ANKRD33: variants seen among roughly 807,000 people sequenced by gnomAD.
ANKRD33 encodes ankyrin repeat domain 33.
In ANKRD33, 20 loss-of-function variants were observed where a neutral mutation model predicts 20.6. That is an observed-to-expected ratio of 0.97 (90% CI 0.68 to 1.41). The LOEUF (loss-of-function observed/expected upper bound fraction) is 1.41. Among genes scored for constraint, ANKRD33 ranks in the 40% most tolerant of loss-of-function variants. The pLI, the probability that ANKRD33 is intolerant of heterozygous loss-of-function variation, is 0.00. For missense variants in ANKRD33, 545 were observed against 579.6 expected (o/e 0.94, Z 0.61); for synonymous variants, 246 against 245.0 (o/e 1.00, Z -0.04).
In ANKRD33 at chr12:51,891,149, G is replaced by A. The variant is rs142845051; in HGVS notation, c.1203G>A (p.Lys401=). ...DSTSPRPQVP[K]ILLSKASSSS... is the part of the protein sequence containing the mutation. Reference sequence around the variant, plus strand: ...CCAGCCCCAGGCCCCAAGTCCCCAAGATCCTCCTCTCCAAGGCATCCTCAT... The same window carrying A: ...CCAGCCCCAGGCCCCAAGTCCCCAAAATCCTCCTCTCCAAGGCATCCTCAT... Residue 401 remains lysine (K), a synonymous_variant, in exon 5 of 5, where the codon AAG becomes AAA. Transcript: ENST00000301190. 1.9e-5 allele frequency: 31 copies of A among 1,614,196 alleles called. No homozygotes were observed. Among genetic ancestry groups the A allele is most frequent in the Non-Finnish European group, 2.6e-5 (31 of 1,180,034 alleles).
intron 2 of ANKRD33, 78 bp from the exon 3 acceptor site, chr12:51,888,989 G>C (rs1428764438): frequency 1.2e-6 from 2 of 1,601,404 alleles, no homozygotes; most frequent in Non-Finnish European, 8.5e-7. Context: ...CTCTGGGACA[G>C]ATATGGGTTT....
At position 51,891,150 on chromosome 12, in the gene ANKRD33, A is replaced by G. The variant is rs1940417100; in HGVS notation, c.1204A>G (p.Ile402Val). ...STSPRPQVPK[I>V]LLSKASSSSH... ...CAGCCCCAGGCCCCAAGTCCCCAAG[A>G]TCCTCCTCTCCAAGGCATCCTCATC... Residue 402 changes from isoleucine (I) to valine (V), a missense_variant, in exon 5 of 5, where the codon ATC becomes GTC. Ile to Val is a conservative substitution (Grantham distance 29). Coordinates refer to ENST00000301190, the MANE Select transcript of ANKRD33 (RefSeq NM_182608.4). 1 of 1,614,142 alleles carries G rather than the reference A, an allele frequency of 6.2e-7. No individual in the cohort carries two copies. The highest frequency in any genetic ancestry group is 8.5e-7 in the Non-Finnish European group (1 of 1,180,022).
rs190338164 is a variant in ANKRD33, at chr12:51,889,652, G to T, written c.637+170G>T. The T allele has an allele frequency of 3.7e-4, 472 of 1,272,810 alleles. 1 individual carries two copies. The highest frequency in any genetic ancestry group is 3.1e-4 in the Non-Finnish European group (290 of 949,552). 78.8% of individuals were successfully genotyped at this position (1,272,810 alleles called of 1,614,324 possible). A position where few individuals can be genotyped will look rare whatever the true frequency, so the allele number is the denominator to read the frequency against. The stretch of plus-strand genomic sequence containing the variant: ...TCAATCTAGTTCACCTTCCTGGAGG[G>T]GGGGGCACATGATTTGGGCTTCGTA... On this transcript the variant is annotated intron_variant, in intron 4 of 4. Transcript: ENST00000301190.
rs779171402 is a variant in ANKRD33, at chr12:51,890,649, G to A, written c.703G>A (p.Asp235Asn). ...KTALEWAVLT[D>N]SFDTVWRIRQ... ...GGCCCTGGAATGGGCAGTGCTGACC[G>A]ACAGCTTCGACACCGTGTGGAGGAT... is the stretch of plus-strand genomic sequence containing the variant. Residue 235 changes from aspartate to asparagine, a missense_variant, in exon 5 of 5, where the codon GAC (aspartate) becomes AAC (asparagine). Asp to Asn is a conservative substitution (Grantham distance 23, BLOSUM62 1). Transcript: ENST00000301190. The A allele has an allele frequency of 8.1e-6, 13 of 1,608,248 alleles. No individual in the cohort carries two copies. The highest frequency in any genetic ancestry group is 4.0e-5 in the African/African-American group (3 of 74,944).
chr12:51,889,276 G>A, intron 3 of ANKRD33, 80 bp downstream of exon 3: 1 of 1,610,166 alleles, frequency 6.2e-7, no homozygotes, highest in South Asian at 1.1e-5. Flanking sequence ...GTTGCACGGT[G>A]TTCTACACCA....
Position 51,890,872 on chromosome 12 carries a change from T to G in ANKRD33, c.926T>G (p.Val309Gly). Residue 309 changes from valine to glycine, a missense_variant, in exon 5 of 5, where the codon GTG becomes GGG. Transcript: ENST00000301190. ...PQEGGVLDHL[V>G]TATTSLASPF... ...GAGGGGGGTGTTCTGGACCACCTTG[T>G]GACTGCCACAACCAGCCTGGCCAGT... 2 of 1,613,302 alleles carry G rather than the reference T, an allele frequency of 1.2e-6. No homozygotes were observed.
At position 51,890,869 on chromosome 12, in the gene ANKRD33, T is replaced by C. The variant is rs1431794981; in HGVS notation, c.923T>C (p.Leu308Pro). The C allele has an allele frequency of 5.6e-6, 9 of 1,613,222 alleles. No homozygotes were observed. The highest frequency in any genetic ancestry group is 2.7e-5 in the African/African-American group (2 of 75,028). Reference protein sequence around the residue: ...SPQEGGVLDHLVTATTSLASP... With the variant: ...SPQEGGVLDHPVTATTSLASP... ...CAGGAGGGGGGTGTTCTGGACCACC[T>C]TGTGACTGCCACAACCAGCCTGGCC... Residue 308 changes from leucine (L) to proline (P), a missense_variant, in exon 5 of 5, where the codon CTT becomes CCT. Leu to Pro is a moderately conservative substitution (Grantham distance 98). Transcript: ENST00000301190.
At chr12:51,889,032 G>T in intron 2 of ANKRD33, 35 bp from the exon 3 acceptor site, 3 of 1,613,666 alleles carry the variant, frequency 1.9e-6, no homozygotes, top group Non-Finnish European at 2.5e-6. Flanking sequence ...GTGGCCCAGG[G>T]GGAAAGCAGG....
Position 51,888,712 on chromosome 12 carries a change from G to A in ANKRD33, c.290G>A (p.Gly97Glu), listed in dbSNP as rs774344725. The A allele has an allele frequency of 1.2e-6, 2 of 1,613,942 alleles. No homozygotes were observed. The highest frequency in any genetic ancestry group is 2.2e-5 in the East Asian group (1 of 44,854). ...KETPTPGCRLGALYWACVHND... is the reference protein window; with the variant it reads ...KETPTPGCRLEALYWACVHND... Reference sequence around the variant, plus strand: ...ACCCCCACCCCAGGCTGCAGGCTGGGGGCCCTGTATTGGGCCTGTGTCCAC... The same window carrying A: ...ACCCCCACCCCAGGCTGCAGGCTGGAGGCCCTGTATTGGGCCTGTGTCCAC... Residue 97 changes from glycine to glutamate, a missense_variant, in exon 2 of 5, where the codon GGG becomes GAG. Coordinates refer to ENST00000301190, the MANE Select transcript of ANKRD33 (RefSeq NM_182608.4).
rs1565585638 is a variant in ANKRD33 at position 51,891,273 on chromosome 12, CAGG to C, written c.1337_1339del (p.Glu446del). ...GGAGCTCAGGATAGAGAAGAGGAAA[CAGG>C]AGGAGGAGGCCAGAATGGCACAGAA... On this transcript the variant is annotated inframe_deletion, in exon 5 of 5. Coordinates refer to ENST00000301190, the MANE Select transcript of ANKRD33 (RefSeq NM_182608.4). 14 of 1,614,190 alleles carry C rather than the reference CAGG, an allele frequency of 8.7e-6. No homozygotes were observed. Among genetic ancestry groups the C allele is most frequent in the East Asian group, 2.2e-5 (1 of 44,878 alleles).
chr12:51,889,332 C>A, intron 3 of ANKRD33, 40 bp from the exon 4 acceptor site: 1 of 1,609,684 alleles, frequency 6.2e-7, no homozygotes, highest in Non-Finnish European at 8.5e-7. Flanking sequence ...CTTCATCACC[C>A]CCTTTCCTGG....
chr12:51,891,198 C>T lies in ANKRD33; in HGVS notation c.1252C>T (p.Pro418Ser), dbSNP rs777918442. The T allele has an allele frequency of 2.8e-5, 46 of 1,614,152 alleles. 1 individual carries two copies. Among genetic ancestry groups the T allele is most frequent in the South Asian group, 2.5e-4 (23 of 91,094 alleles). Residue 418 changes from proline to serine, a missense_variant, in exon 5 of 5, where the codon CCC becomes TCC. Transcript: ENST00000301190. ...ATCCTCCCACCAGTGCCAGCCGAAGCCCAGTCCTTCAGGACACCAAAGTCT... is the reference window on the plus strand; with the variant it reads ...ATCCTCCCACCAGTGCCAGCCGAAGTCCAGTCCTTCAGGACACCAAAGTCT... ...SSSSHQCQPKPSPSGHQSLAL... is the reference protein window; with the variant it reads ...SSSSHQCQPKSSPSGHQSLAL...
chr12:51,888,138 C>G lies in ANKRD33; in HGVS notation c.-49C>G, dbSNP rs766734671. ...CACCCGCCCCGCATGGGGCCCCAGT[C>G]CCAGCTGCTTGATCCGGCTCAGCCC... On this transcript the variant is annotated 5_prime_UTR_variant, in exon 1 of 5. Transcript: ENST00000301190. 27 of 1,602,232 alleles carry G rather than the reference C, an allele frequency of 1.7e-5. No homozygotes were observed. The highest frequency in any genetic ancestry group is 8.5e-7 in the Non-Finnish European group (1 of 1,173,800).
chr12:51,889,279 C>A, intron 3 of ANKRD33, 83 bp downstream of exon 3: 1 of 1,608,296 alleles, frequency 6.2e-7, no homozygotes, highest in Non-Finnish European at 8.5e-7. Flanking sequence ...GCACGGTGTT[C>A]TACACCAGAC....
Position 51,888,112 on chromosome 12 carries a change from C to T in ANKRD33, c.-75C>T, listed in dbSNP as rs1266869486. 2 of 1,553,588 alleles carry T rather than the reference C, an allele frequency of 1.3e-6. No homozygotes were observed. The highest frequency in any genetic ancestry group is 1.4e-5 in the African/African-American group (1 of 73,040). ...GTCTGAGTCCGCTCCTGAGACGTGA[C>T]CACCCGCCCCGCATGGGGCCCCAGT... is the stretch of plus-strand genomic sequence containing the variant. On this transcript the variant is annotated 5_prime_UTR_variant, in exon 1 of 5. Transcript: ENST00000301190.
At position 51,890,234 on chromosome 12, in the gene ANKRD33, C is replaced by T. The variant is rs1229507705; in HGVS notation, c.638-350C>T. The T allele has an allele frequency of 3.0e-5, 13 of 434,086 alleles. No homozygotes were observed. In the East Asian group the frequency reaches 3.8e-4, roughly 13 times the overall value. 26.9% of individuals were successfully genotyped at this position (434,086 alleles called of 1,614,324 possible). On this transcript the variant is annotated intron_variant, in intron 4 of 4. Coordinates refer to ENST00000301190, the MANE Select transcript of ANKRD33 (RefSeq NM_182608.4). ...AGAAGAACCAGGAGAGGGAACCAGC[C>T]GATCATCCCCACCCACCTGCCCCAG...
At chr12:51,889,788 G>T (rs1940351321) in intron 4 of ANKRD33, 1 of 452,154 alleles carries the variant, frequency 2.2e-6, no homozygotes. Flanking sequence ...ACGAAAAAAG[G>T]CTGGCATCTG....
At position 51,888,263 on chromosome 12, in the gene ANKRD33, T is replaced by G. The variant is rs140489571; in HGVS notation, c.77T>G (p.Val26Gly). 145 of 1,614,048 alleles carry G rather than the reference T, an allele frequency of 9.0e-5. 1 individual carries two copies. Among genetic ancestry groups the G allele is most frequent in the Non-Finnish European group, 9.7e-5 (114 of 1,180,030 alleles). The stretch of plus-strand genomic sequence containing the variant: ...CACCTGGAGGCATTCGGAGACCCAG[T>G]GATTGTGCTCCGCGGAGCCTGGGCT... ...IVHLEAFGDP[V>G]IVLRGAWAVP... Residue 26 changes from valine (V) to glycine (G), a missense_variant, in exon 1 of 5, where the codon GTG becomes GGG. Physicochemically the swap from Val to Gly is moderately radical, Grantham distance 109. Coordinates refer to ENST00000301190, the MANE Select transcript of ANKRD33 (RefSeq NM_182608.4).
In ANKRD33 at chr12:51,891,560, T is replaced by A; in HGVS notation, c.*255T>A. 1.8e-6 allele frequency: 1 copy of A among 553,950 alleles called. No homozygotes were observed. Among genetic ancestry groups the A allele is most frequent in the East Asian group, 3.0e-5 (1 of 33,588 alleles). The allele number at this position is 553,950 out of a possible 1,614,324, so 34.3% of individuals were successfully genotyped here. A position where few individuals can be genotyped will look rare whatever the true frequency, so the allele number is the denominator to read the frequency against. ...TGCTGTCCATCCATACAGAGCATAC[T>A]CTACAGTGTATTCTAAAATAAGACT... On this transcript the variant is annotated 3_prime_UTR_variant, in exon 5 of 5. Transcript: ENST00000301190.
Sources: gnomAD v4.1 joint callset for allele counts on GRCh38, gnomAD v4.1.1 for gene constraint, MANE v1.5 for transcripts, NCBI Gene and HGNC (gene_info 2026-07-23, HGNC 2026-07-21) for gene names.